HDAC9: variants seen among roughly 807,000 people sequenced by gnomAD.
HDAC9 encodes histone deacetylase 9.
Under a neutral mutation model 139.4 loss-of-function variants are expected in HDAC9, and 41 were observed. That is an observed-to-expected ratio of 0.29 (90% CI 0.23 to 0.38). The LOEUF (loss-of-function observed/expected upper bound fraction) is 0.38, where lower values mean the gene tolerates loss of function less well. Among genes scored for constraint, HDAC9 ranks in the 10% least tolerant of loss-of-function variants. HDAC9 has a pLI of 1.00. For missense variants in HDAC9, 1,147 were observed against 1,297.0 expected (o/e 0.88, Z 1.78); for synonymous variants, 517 against 476.2 (o/e 1.09, Z -1.12).
intron 11 of HDAC9, among the ~76,000 whole-genome samples, chr7:18,665,066 G>C (rs1292437661): frequency 6.6e-6 from 1 of 152,172 alleles, no homozygotes; most frequent in Non-Finnish European, 1.5e-5. Flanking sequence ...TAAAGAGGCT[G>C]AGGTGTCCAT....
intron 2 of HDAC9, among the ~76,000 whole-genome samples, chr7:18,247,396 G>A (rs993418214): frequency 1.7e-4 from 26 of 151,968 alleles, no homozygotes; most frequent in Admixed American, 1.4e-3. Context: ...GGTGTGTAGT[G>A]TTTTGGAAGC....
chr7:18,307,883 A>G (rs1038169870), intron 1 of HDAC9, among the ~76,000 whole-genome samples: 1 of 152,196 alleles, frequency 6.6e-6, no homozygotes, highest in Non-Finnish European at 1.5e-5. Flanking sequence ...CAATTATCAC[A>G]CATTAACAAA....
intron 17 of HDAC9, among the ~76,000 whole-genome samples, chr7:18,808,743 C>G (rs1420116309): frequency 2.0e-5 from 3 of 151,640 alleles, no homozygotes; most frequent in Non-Finnish European, 4.4e-5. Flanking sequence ...CAATTCAATC[C>G]TATCAAAATT....
chr7:18,769,455 C>A (rs1351762038), intron 16 of HDAC9, among the ~76,000 whole-genome samples: 4 of 152,080 alleles, frequency 2.6e-5, no homozygotes, highest in African/African-American at 9.7e-5. Context: ...GGTAGGCCAG[C>A]AGAGGCAGGA....
chr7:18,141,161 C>T (rs1209034237), intron 1 of HDAC9, among the ~76,000 whole-genome samples: 2 of 152,270 alleles, frequency 1.3e-5, no homozygotes, highest in Middle Eastern at 3.4e-3. Flanking sequence ...AGAGTCCTTT[C>T]AAAAGTAAAC....
chr7:18,228,143 A>T (rs1221531877), intron 2 of HDAC9, among the ~76,000 whole-genome samples: 1 of 152,232 alleles, frequency 6.6e-6, no homozygotes, highest in African/African-American at 2.4e-5. Flanking sequence ...AAAGAATTGT[A>T]AACAGTGTTT....
chr7:18,715,384 G>C (rs1407133230), intron 12 of HDAC9, among the ~76,000 whole-genome samples: 1 of 151,948 alleles, frequency 6.6e-6, no homozygotes, highest in Non-Finnish European at 1.5e-5. Context: ...TTGGCTCCTA[G>C]TTCAATGACA....
chr7:18,560,433 C>A (rs1820226855), intron 2 of HDAC9, among the ~76,000 whole-genome samples: 1 of 152,170 alleles, frequency 6.6e-6, no homozygotes, highest in Non-Finnish European at 1.5e-5. Context: ...ACTCCCCACC[C>A]TCAACACTAA....
chr7:18,099,522 T>C (rs895823267), intron 1 of HDAC9, among the ~76,000 whole-genome samples: 1 of 152,118 alleles, frequency 6.6e-6, no homozygotes, highest in African/African-American at 2.4e-5. Context: ...CTTAAACTTA[T>C]GAGATAACTT....
chr7:18,980,688 G>GTTCTTCC (rs2129341173), intron 25 of HDAC9, among the ~76,000 whole-genome samples: 2 of 141,762 alleles, frequency 1.4e-5, no homozygotes, highest in East Asian at 2.1e-4. Flanking sequence ...TGTTCTTCTT[G>GTTCTTCC]TTCTTCTTCC....
intron 17 of HDAC9, among the ~76,000 whole-genome samples, chr7:18,803,662 C>T (rs1331381053): frequency 6.6e-6 from 1 of 152,010 alleles, no homozygotes; most frequent in African/African-American, 2.4e-5. Flanking sequence ...ATGATCATTT[C>T]TTGTAGATTT....
intron 2 of HDAC9, among the ~76,000 whole-genome samples, chr7:18,194,183 C>T (rs898006699): frequency 5.3e-5 from 8 of 152,076 alleles, no homozygotes; most frequent in East Asian, 1.9e-4. Context: ...CTAATTATAA[C>T]GATTAAACAT....
At chr7:18,091,325 T>G (rs1282280317) in intron 1 of HDAC9, among the ~76,000 whole-genome samples, 1 of 152,220 alleles carries the variant, frequency 6.6e-6, no homozygotes, top group African/African-American at 2.4e-5. Context: ...ATAACGTGTT[T>G]CTGGTGAGCT....
At chr7:18,323,219 T>A (rs968011626) in intron 1 of HDAC9, among the ~76,000 whole-genome samples, 8 of 152,132 alleles carry the variant, frequency 5.3e-5, no homozygotes, top group African/African-American at 1.9e-4. Context: ...TGATTTCCAG[T>A]TCTTTCTTAT....
At chr7:18,516,862 GAAAAAAAAAA>G (rs35689821) in intron 2 of HDAC9, among the ~76,000 whole-genome samples, 2 of 55,090 alleles carry the variant, frequency 3.6e-5, no homozygotes, top group East Asian at 5.5e-4. Context: ...CTCCATTTCA[GAAAAAAAAAA>G]AAAAAAAAAA....
intron 1 of HDAC9, among the ~76,000 whole-genome samples, chr7:18,319,290 T>C (rs1799861847): frequency 6.6e-6 from 1 of 152,248 alleles, no homozygotes; most frequent in Non-Finnish European, 1.5e-5. Context: ...AAGTATCTTT[T>C]AGTTATCTCC....
chr7:18,785,543 C>T (rs775010790), intron 16 of HDAC9, among the ~76,000 whole-genome samples: 1 of 151,994 alleles, frequency 6.6e-6, no homozygotes, highest in Non-Finnish European at 1.5e-5. Context: ...CTCAACTCTT[C>T]TAGGTACCAC....
chr7:18,090,084 T>C (rs535135780), intron 1 of HDAC9, among the ~76,000 whole-genome samples: 1 of 152,316 alleles, frequency 6.6e-6, no homozygotes, highest in South Asian at 2.1e-4. Context: ...ATTCTTACAC[T>C]TTTTGGTGAT....
intron 23 of HDAC9, among the ~76,000 whole-genome samples, chr7:18,939,621 A>G (rs2129313469): frequency 6.6e-6 from 1 of 152,312 alleles, no homozygotes; most frequent in East Asian, 1.9e-4. Context: ...TAGAAAAGTA[A>G]TATATAAGGC....
Sources: gnomAD v4.1 joint callset for allele counts (sites outside exome capture counted in the v4.1 genomes callset) on GRCh38, gnomAD v4.1.1 for gene constraint, MANE v1.5 for transcripts, NCBI Gene and HGNC (gene_info 2026-07-23, HGNC 2026-07-21) for gene names.